TBCK: variants seen among roughly 807,000 people sequenced by gnomAD.
The protein encoded by TBCK is TBC domain-containing protein kinase-like protein.
Under a neutral mutation model 113.4 loss-of-function variants are expected in TBCK, and 99 were observed. The ratio of observed to expected loss-of-function variants is 0.87; its 90% CI spans 0.74 to 1.03. TBCK has a LOEUF of 1.03. Ranked by LOEUF, TBCK falls within the 50% of genes least tolerant of loss-of-function variation. The pLI is 0.00. For missense variants in TBCK, 1,045 were observed against 1,061.3 expected (o/e 0.98, Z 0.21); for synonymous variants, 369 against 370.8 (o/e 1.00, Z 0.05).
rs561925962 is a variant in TBCK, at chr4:106,260,969, A to G, written c.382-459T>C. On this transcript the variant is annotated intron_variant, in intron 4 of 25. Coordinates refer to ENST00000394708, the MANE Select transcript of TBCK (RefSeq NM_001163435.3). ...AAACTTAACTTGAAAAGATCAGTTC[A>G]AAAATCATCAAGATTTTGGTGAATC... Among the ~76,000 whole-genome samples the G allele has an allele frequency of 1.7e-3, 258 of 152,182 alleles. 2 individuals carry two copies. Among genetic ancestry groups the G allele is most frequent in the African/African-American group, 5.9e-3 (244 of 41,576 alleles).
At chr4:106,253,796 G>C (rs1382402470) in intron 5 of TBCK, among the ~76,000 whole-genome samples, 1 of 151,960 alleles carries the variant, frequency 6.6e-6, no homozygotes, top group Non-Finnish European at 1.5e-5. Context: ...GTTGTTTTGG[G>C]GTCCCCAAGA....
intron 25 of TBCK, among the ~76,000 whole-genome samples, chr4:106,079,943 C>T (rs181952945): frequency 3.5e-4 from 53 of 152,208 alleles, no homozygotes; most frequent in Admixed American, 3.2e-3. Flanking sequence ...ACCAGATCTT[C>T]TAAGAACTCA....
At position 106,297,151 on chromosome 4, in the gene TBCK, T is replaced by G. The variant is rs538121888; in HGVS notation, c.194-1985A>C. ...ACCTTTGATTCTGGGTCTTTTTTAC[T>G]GTTTTCTCATCTATTCCCAAGGCTG... is the stretch of plus-strand genomic sequence containing the variant. On this transcript the variant is annotated intron_variant, in intron 2 of 25. Transcript: ENST00000394708. 2.6e-5 allele frequency among the ~76,000 whole-genome samples: 4 copies of G among 152,308 alleles called. No individual in the cohort carries two copies. In the South Asian group the frequency reaches 8.3e-4, roughly 32 times the overall value.
intron 3 of TBCK, among the ~76,000 whole-genome samples, chr4:106,284,728 C>A (rs1764947222): frequency 6.6e-6 from 1 of 152,118 alleles, no homozygotes; most frequent in Non-Finnish European, 1.5e-5. Flanking sequence ...CTGAATAATT[C>A]TAACACAAAA....
intron 2 of TBCK, among the ~76,000 whole-genome samples, chr4:106,299,613 T>C (rs1766705292): frequency 1.3e-5 from 2 of 152,216 alleles, no homozygotes; most frequent in Non-Finnish European, 2.9e-5. Flanking sequence ...CCAGAGATAA[T>C]GGAGTGTATA....
intron 25 of TBCK, among the ~76,000 whole-genome samples, chr4:106,090,256 G>A (rs1405620995): frequency 6.6e-6 from 1 of 152,230 alleles, no homozygotes; most frequent in African/African-American, 2.4e-5. Context: ...GGCAGCCTGA[G>A]CTTTACCTTG....
intron 12 of TBCK, chr4:106,237,380 C>T: frequency 2.9e-6 from 1 of 343,154 alleles, no homozygotes; most frequent in Admixed American, 3.6e-5. Context: ...TTCCAAATAA[C>T]AACCCTGACA....
rs1749793611 is a variant in TBCK, at chr4:106,161,563, T to C, written c.2235+9532A>G. 2.6e-5 allele frequency among the ~76,000 whole-genome samples: 4 copies of C among 152,138 alleles called. No individual in the cohort carries two copies. The East Asian group carries it at 7.7e-4, about 29-fold the overall frequency. ...GTCTGACCCAGTCCAATAATTGTAA[T>C]GTGTTGTAAACTAAGGAGACATTAT... is the stretch of plus-strand genomic sequence containing the variant. On this transcript the variant is annotated intron_variant, in intron 23 of 25. Transcript: ENST00000394708.
chr4:106,257,302 T>TA, intron 5 of TBCK, among the ~76,000 whole-genome samples: 1 of 152,264 alleles, frequency 6.6e-6, no homozygotes, highest in Non-Finnish European at 1.5e-5. Flanking sequence ...TAAAACCAGT[T>TA]AGATTAAATT....
intron 3 of TBCK, among the ~76,000 whole-genome samples, chr4:106,287,490 C>A (rs1353453768): frequency 6.6e-6 from 1 of 152,160 alleles, no homozygotes; most frequent in African/African-American, 2.4e-5. Flanking sequence ...CATTCTTGAG[C>A]AATCCTCTCC....
chr4:106,125,011 A>C (rs1010368872), intron 23 of TBCK, among the ~76,000 whole-genome samples: 9 of 152,122 alleles, frequency 5.9e-5, no homozygotes, highest in South Asian at 2.1e-4. Context: ...AAAAAAAAAA[A>C]AAAACACAAT....
chr4:106,154,157 C>G (rs1305172810), intron 23 of TBCK, among the ~76,000 whole-genome samples: 6 of 151,650 alleles, frequency 4.0e-5, no homozygotes, highest in Non-Finnish European at 7.4e-5. Flanking sequence ...TCCTGTCTTC[C>G]TTTTAGTGAA....
intron 3 of TBCK, among the ~76,000 whole-genome samples, chr4:106,268,917 T>C (rs1763233378): frequency 6.6e-6 from 1 of 152,056 alleles, no homozygotes; most frequent in African/African-American, 2.4e-5. Context: ...AAACCACACA[T>C]GCTATTTCCT....
At chr4:106,194,385 T>G (rs949651788) in intron 21 of TBCK, among the ~76,000 whole-genome samples, 15 of 152,228 alleles carry the variant, frequency 9.9e-5, no homozygotes, top group African/African-American at 3.6e-4. Context: ...TAAAAGTTAC[T>G]GAAGAATCTC....
chr4:106,175,219 A>G (rs192548792), intron 22 of TBCK, among the ~76,000 whole-genome samples: 1 of 150,952 alleles, frequency 6.6e-6, no homozygotes, highest in East Asian at 1.9e-4. Flanking sequence ...TTTCATAGTT[A>G]ATTTTCTCAT....
chr4:106,311,053 G>A (rs80109351), intron 1 of TBCK, among the ~76,000 whole-genome samples: 1,978 of 152,158 alleles, frequency 0.013, 50 homozygotes, highest in African/African-American at 0.046. Flanking sequence ...CTACTGGACA[G>A]TCAAAAATTA....
At chr4:106,258,989 G>A (rs541677401) in intron 5 of TBCK, among the ~76,000 whole-genome samples, 18 of 151,912 alleles carry the variant, frequency 1.2e-4, no homozygotes, top group African/African-American at 3.6e-4. Flanking sequence ...GTAAGACTAC[G>A]AATTTATGTA....
intron 25 of TBCK, among the ~76,000 whole-genome samples, chr4:106,094,434 G>A (rs1398064209): frequency 6.6e-6 from 1 of 151,806 alleles, no homozygotes; most frequent in East Asian, 1.9e-4. Flanking sequence ...TTTTCCAAGT[G>A]TTCAACAAAG....
chr4:106,065,963 T>C (rs1270329090), intron 25 of TBCK, among the ~76,000 whole-genome samples: 1 of 152,028 alleles, frequency 6.6e-6, no homozygotes, highest in African/African-American at 2.4e-5. Flanking sequence ...GTATTTAATG[T>C]GGAAGCAGGG....
Sources: allele counts gnomAD v4.1 joint callset (sites outside exome capture counted in the v4.1 genomes callset), GRCh38; gene constraint gnomAD v4.1.1; transcripts MANE v1.5; gene names NCBI Gene and HGNC (gene_info 2026-07-23, HGNC 2026-07-21).